Variants in OR9Q1 observed in about 807,000 individuals in gnomAD.
OR9Q1 encodes olfactory receptor 9Q1.
For missense variants in OR9Q1, 374 were observed against 378.8 expected (o/e 0.99, Z 0.11); for synonymous variants, 153 against 148.6 (o/e 1.03, Z -0.22).
chr11:58,180,076 T>C lies in OR9Q1; in HGVS notation c.632T>C (p.Met211Thr), dbSNP rs764693183. The stretch of plus-strand genomic sequence containing the variant: ...GCCATTTTTGTCATCCCTGCTTCCA[T>C]GGTGGTGATCTTGGTGTCCTACCTG... ...MFAIFVIPAS[M>T]VVILVSYLFI... Residue 211 changes from methionine to threonine, a missense_variant, in exon 3 of 3, where the codon ATG becomes ACG. Coordinates refer to ENST00000335397, the MANE Select transcript of OR9Q1 (RefSeq NM_001005212.4). 29 of 1,614,084 alleles carry C rather than the reference T, an allele frequency of 1.8e-5. No individual in the cohort carries two copies. In the Admixed American group the frequency reaches 2.8e-4, roughly 16 times the overall value.
intron 2 of OR9Q1, among the ~76,000 whole-genome samples, chr11:58,082,741 TATAATAATAATA>T (rs200062407): frequency 8.0e-6 from 1 of 125,504 alleles, no homozygotes; most frequent in Non-Finnish European, 1.6e-5. Context: ...AAACTTAAAG[TATAATAATAATA>T]ATAATAATAA....
At chr11:58,101,699 T>G (rs1853784753) in intron 2 of OR9Q1, among the ~76,000 whole-genome samples, 2 of 152,168 alleles carry the variant, frequency 1.3e-5, no homozygotes, top group African/African-American at 2.4e-5. Flanking sequence ...AGTCATAAAT[T>G]CTTTGCCTAG....
At chr11:58,165,669 C>T (rs1166643044) in intron 2 of OR9Q1, among the ~76,000 whole-genome samples, 1 of 152,170 alleles carries the variant, frequency 6.6e-6, no homozygotes, top group African/African-American at 2.4e-5. Context: ...AGTCCACTAT[C>T]TGACACTCGT....
At chr11:58,043,668 A>G (rs1853188400) in intron 1 of OR9Q1, among the ~76,000 whole-genome samples, 2 of 151,932 alleles carry the variant, frequency 1.3e-5, no homozygotes, top group African/African-American at 4.8e-5. Context: ...TGCCTTTGAA[A>G]CCTTGCTTGT....
chr11:58,106,741 G>A (rs1477610735), intron 2 of OR9Q1, among the ~76,000 whole-genome samples: 2 of 152,058 alleles, frequency 1.3e-5, no homozygotes, highest in African/African-American at 4.8e-5. Context: ...ACCAGTTATC[G>A]AAGAGACTGT....
At chr11:58,072,643 T>C (rs1455412858) in intron 2 of OR9Q1, 2 of 154,870 alleles carry the variant, frequency 1.3e-5, no homozygotes, top group Admixed American at 6.6e-5. Flanking sequence ...CTGTATATAC[T>C]GGTAACCAAT....
At chr11:58,053,459 GA>G (rs1201070021) in intron 1 of OR9Q1, among the ~76,000 whole-genome samples, 1 of 81,968 alleles carries the variant, frequency 1.2e-5, no homozygotes, top group Non-Finnish European at 2.2e-5. Context: ...GGGGTGGGGG[GA>G]GGGGGGAGGG....
chr11:58,142,187 C>T (rs1854256444), intron 2 of OR9Q1, among the ~76,000 whole-genome samples: 1 of 151,940 alleles, frequency 6.6e-6, no homozygotes, highest in Non-Finnish European at 1.5e-5. Context: ...TTTTTCACAG[C>T]ACTTACCAAC....
At chr11:58,123,210 C>T (rs1854053129) in intron 2 of OR9Q1, among the ~76,000 whole-genome samples, 1 of 152,156 alleles carries the variant, frequency 6.6e-6, no homozygotes, top group South Asian at 2.1e-4. Context: ...CCTCTGCTTT[C>T]AGCTATAAAT....
intron 2 of OR9Q1, among the ~76,000 whole-genome samples, chr11:58,088,964 C>A (rs549756704): frequency 1.3e-5 from 2 of 151,856 alleles, no homozygotes; most frequent in African/African-American, 4.9e-5. Flanking sequence ...GCAACCTCCA[C>A]CTCATGGGTT....
intron 2 of OR9Q1, among the ~76,000 whole-genome samples, chr11:58,085,836 C>T (rs1057334881): frequency 6.6e-6 from 1 of 151,540 alleles, no homozygotes; most frequent in Non-Finnish European, 1.5e-5. Context: ...ACACATGTAT[C>T]CCCCACAATA....
At chr11:58,037,742 G>C (rs1431346635) in intron 1 of OR9Q1, among the ~76,000 whole-genome samples, 1 of 80,452 alleles carries the variant, frequency 1.2e-5, no homozygotes, top group African/African-American at 4.8e-5. Flanking sequence ...TTTTTGAGAC[G>C]GAGTCTCACT....
chr11:58,156,837 C>T (rs1439320059), intron 2 of OR9Q1, among the ~76,000 whole-genome samples: 1 of 152,140 alleles, frequency 6.6e-6, no homozygotes, highest in Non-Finnish European at 1.5e-5. Context: ...GAGCCCTTTG[C>T]TAGACTTAGA....
chr11:58,046,328 T>TA (rs1853216260), intron 1 of OR9Q1, among the ~76,000 whole-genome samples: 1 of 152,128 alleles, frequency 6.6e-6, no homozygotes, highest in South Asian at 2.1e-4. Flanking sequence ...GTCATGGGAA[T>TA]AAAAAACCAT....
At chr11:58,059,194 C>T (rs1271522594) in intron 2 of OR9Q1, among the ~76,000 whole-genome samples, 1 of 152,150 alleles carries the variant, frequency 6.6e-6, no homozygotes, top group Non-Finnish European at 1.5e-5. Flanking sequence ...AGAATGCCAA[C>T]ATATCTTCCA....
rs377759336 is a variant in OR9Q1, at chr11:58,104,917, CAT to C, written c.-15+48973_-15+48974del. 2.2e-4 allele frequency among the ~76,000 whole-genome samples: 34 copies of C among 152,288 alleles called. No individual in the cohort carries two copies. The East Asian group carries it at 6.4e-3, about 28-fold the overall frequency. On this transcript the variant is annotated intron_variant, in intron 2 of 2. Coordinates refer to ENST00000335397, the MANE Select transcript of OR9Q1 (RefSeq NM_001005212.4). ...GTCAAGCATTGTGAACAATAAATAA[CAT>C]ATTTTTTTGGAGTCGATTGTTGCTG...
chr11:58,108,044 T>A (rs761382084), intron 2 of OR9Q1, among the ~76,000 whole-genome samples: 7 of 152,056 alleles, frequency 4.6e-5, no homozygotes, highest in Non-Finnish European at 7.4e-5. Flanking sequence ...AAAAAGAAAT[T>A]GGAGATTCAG....
intron 2 of OR9Q1, among the ~76,000 whole-genome samples, chr11:58,159,027 C>T (rs907451746): frequency 6.6e-6 from 1 of 152,148 alleles, no homozygotes; most frequent in Admixed American, 6.5e-5. Flanking sequence ...ACAATAAGTC[C>T]CTTTTAAACA....
At chr11:58,076,701 G>C (rs371974642) in intron 2 of OR9Q1, among the ~76,000 whole-genome samples, 1 of 152,006 alleles carries the variant, frequency 6.6e-6, no homozygotes, top group East Asian at 1.9e-4. Flanking sequence ...TGCCAAGGCT[G>C]GTCTTGAACT....
Sources: allele counts gnomAD v4.1 joint callset (sites outside exome capture counted in the v4.1 genomes callset), GRCh38; gene constraint gnomAD v4.1.1; transcripts MANE v1.5; gene names NCBI Gene and HGNC (gene_info 2026-07-23, HGNC 2026-07-21).